Variants in ZNF503 observed in about 807,000 individuals in gnomAD.
ZNF503 encodes zinc finger protein 503.
ZNF503 carries 15 observed loss-of-function variants against 34.4 expected under a neutral mutation model. The observed-to-expected ratio is 0.44, with a 90% CI of 0.29 to 0.67. The LOEUF is 0.67. Among genes scored for constraint, ZNF503 ranks in the 30% least tolerant of loss-of-function variants. The probability of loss-of-function intolerance (pLI) is 0.13; values close to 1 mark genes in which losing one functional copy is unlikely to be tolerated. For synonymous variants in ZNF503, 580 were observed against 456.8 expected (o/e 1.27, Z -3.44); for missense variants, 1,007 against 926.8 (o/e 1.09, Z -1.12).
the ZNF503 span, among the ~76,000 whole-genome samples, chr10:75,311,509 T>C: frequency 6.6e-6 from 1 of 152,116 alleles, no homozygotes; most frequent in Non-Finnish European, 1.5e-5. Context: ...AAAGCAGCCA[T>C]GATAAACATG....
Position 75,400,132 on chromosome 10 carries a change from C to T in ZNF503, c.558G>A (p.Lys186=). The T allele has an allele frequency of 4.5e-6, 7 of 1,551,612 alleles. No individual in the cohort carries two copies. The highest frequency in any genetic ancestry group is 2.4e-5 in the East Asian group (1 of 41,064). Residue 186 remains lysine, a synonymous_variant, in exon 2 of 2, where the codon AAG becomes AAA. Transcript: ENST00000372524. ...CGCCTCCACCGCCGCCTCCCGGCTCCTTCTTATCCGAGCCGGGTTTGGAGT... is the reference window on the plus strand; with the variant it reads ...CGCCTCCACCGCCGCCTCCCGGCTCTTTCTTATCCGAGCCGGGTTTGGAGT... ...KPYSKPGSDK[K]EPGGGGGGGG...
chr10:75,354,113 T>C, the ZNF503 span, among the ~76,000 whole-genome samples: 1 of 152,218 alleles, frequency 6.6e-6, no homozygotes, highest in Admixed American at 6.5e-5. Context: ...TCTAACTTGC[T>C]GATGCTCAGA....
the ZNF503 span, among the ~76,000 whole-genome samples, chr10:75,339,414 A>G: frequency 1.4e-4 from 21 of 152,212 alleles, no homozygotes; most frequent in Non-Finnish European, 2.2e-4. Context: ...TTGGCAGTAC[A>G]TGAGAGGGGA....
the ZNF503 span, among the ~76,000 whole-genome samples, chr10:75,292,278 C>T: frequency 6.6e-6 from 1 of 152,170 alleles, no homozygotes; most frequent in Admixed American, 6.5e-5. Context: ...GACATGTTCC[C>T]TGAACACAAG....
At chr10:75,347,794 T>C in the ZNF503 span, among the ~76,000 whole-genome samples, 1 of 152,160 alleles carries the variant, frequency 6.6e-6, no homozygotes, top group African/African-American at 2.4e-5. Context: ...TCCCAAATAA[T>C]GAGATCAAGA....
chr10:75,349,340 AG>A, the ZNF503 span, among the ~76,000 whole-genome samples: 4 of 152,204 alleles, frequency 2.6e-5, no homozygotes, highest in Non-Finnish European at 4.4e-5. Flanking sequence ...TGAAGAGTAT[AG>A]GCCAGTTTTG....
At chr10:75,289,883 G>A in the ZNF503 span, among the ~76,000 whole-genome samples, 1 of 152,088 alleles carries the variant, frequency 6.6e-6, no homozygotes, top group African/African-American at 2.4e-5. Flanking sequence ...ATTTTTAAAT[G>A]TACAGCTCAG....
the ZNF503 span, among the ~76,000 whole-genome samples, chr10:75,305,468 T>C: frequency 6.6e-6 from 1 of 152,184 alleles, no homozygotes; most frequent in Admixed American, 6.5e-5. Flanking sequence ...ATTTGAGGAT[T>C]AACTATTTAT....
the ZNF503 span, among the ~76,000 whole-genome samples, chr10:75,347,572 C>T: frequency 2.0e-5 from 3 of 152,220 alleles, no homozygotes; most frequent in African/African-American, 4.8e-5. Flanking sequence ...GGCCTCATTG[C>T]CCTTCCCTGA....
the ZNF503 span, among the ~76,000 whole-genome samples, chr10:75,387,861 G>A: frequency 6.6e-6 from 1 of 152,210 alleles, no homozygotes; most frequent in Admixed American, 6.5e-5. Flanking sequence ...GGGGTAAGAT[G>A]TGGCAGACTT....
chr10:75,292,181 C>G, the ZNF503 span, among the ~76,000 whole-genome samples: 1 of 152,206 alleles, frequency 6.6e-6, no homozygotes, highest in African/African-American at 2.4e-5. Flanking sequence ...CCTCCTTGTT[C>G]TCTGCCTCAG....
At chr10:75,287,707 C>T in the ZNF503 span, among the ~76,000 whole-genome samples, 2 of 152,228 alleles carry the variant, frequency 1.3e-5, no homozygotes, top group Non-Finnish European at 2.9e-5. Flanking sequence ...GGTCTCCCTC[C>T]TCATTCTGCT....
the ZNF503 span, among the ~76,000 whole-genome samples, chr10:75,326,677 G>T: frequency 2.0e-5 from 3 of 148,932 alleles, 1 homozygote; most frequent in African/African-American, 7.4e-5. Context: ...ATAATTAATT[G>T]TACATATTTA....
At chr10:75,380,071 A>G in the ZNF503 span, among the ~76,000 whole-genome samples, 1 of 152,184 alleles carries the variant, frequency 6.6e-6, no homozygotes, top group Non-Finnish European at 1.5e-5. Flanking sequence ...TGCTCACTCT[A>G]TGCCAAACCT....
chr10:75,380,701 T>C, the ZNF503 span, among the ~76,000 whole-genome samples: 20 of 152,298 alleles, frequency 1.3e-4, no homozygotes, highest in African/African-American at 4.8e-4. Context: ...AATGCAATCA[T>C]GTCAAAGAGC....
chr10:75,291,732 A>T, the ZNF503 span, among the ~76,000 whole-genome samples: 15 of 152,352 alleles, frequency 9.8e-5, no homozygotes, highest in African/African-American at 3.6e-4. Flanking sequence ...CCATTGGTCC[A>T]GGAATCTTGT....
the ZNF503 span, among the ~76,000 whole-genome samples, chr10:75,354,183 T>C: frequency 6.6e-6 from 1 of 152,194 alleles, no homozygotes; most frequent in Non-Finnish European, 1.5e-5. Context: ...CTGCAAGTGG[T>C]GGTGGCAAAA....
At position 75,400,396 on chromosome 10, in the gene ZNF503, G is replaced by A. The variant is rs749475308; in HGVS notation, c.316-22C>T. 2.3e-5 allele frequency: 37 copies of A among 1,590,050 alleles called. No individual in the cohort carries two copies. The East Asian group carries it at 7.6e-4, about 33-fold the overall frequency. The stretch of plus-strand genomic sequence containing the variant: ...CGAGCTGCGGGGTCAGACGATGGGG[G>A]GGGAGCGTCACACAGAGAAAGAAGT... On this transcript the variant is annotated intron_variant, in intron 1 of 1. Transcript: ENST00000372524.
chr10:75,308,311 GA>G, the ZNF503 span, among the ~76,000 whole-genome samples: 1 of 150,050 alleles, frequency 6.7e-6, no homozygotes, highest in Non-Finnish European at 1.5e-5. Context: ...CTACTGCTCA[GA>G]AAAAAAGATT....
Sources: allele counts gnomAD v4.1 joint callset (sites outside exome capture counted in the v4.1 genomes callset), GRCh38; gene constraint gnomAD v4.1.1; transcripts MANE v1.5; gene names NCBI Gene and HGNC (gene_info 2026-07-23, HGNC 2026-07-21).